The following PPM1H variants were observed in gnomAD, a reference collection of about 807,000 sequenced individuals.
PPM1H encodes the protein protein phosphatase 1H.
Under a neutral mutation model 54.9 loss-of-function variants are expected in PPM1H, and 27 were observed. That is an observed-to-expected ratio of 0.49 (90% CI 0.36 to 0.68). The LOEUF (loss-of-function observed/expected upper bound fraction) is 0.68. Ranked by LOEUF, PPM1H falls within the 30% of genes least tolerant of loss-of-function variation. PPM1H has a pLI of 0.00. For missense variants in PPM1H, 596 were observed against 667.8 expected (o/e 0.89, Z 1.19); for synonymous variants, 305 against 270.8 (o/e 1.13, Z -1.24).
intron 1 of PPM1H, among the ~76,000 whole-genome samples, chr12:62,903,917 T>G (rs916602117): frequency 2.0e-5 from 3 of 152,204 alleles, no homozygotes; most frequent in African/African-American, 7.2e-5. Context: ...TTAATCTAAT[T>G]AATGGGTAAT....
At chr12:62,801,622 C>T (rs1284616967) in intron 3 of PPM1H, among the ~76,000 whole-genome samples, 194 bp downstream of exon 3, 1 of 152,068 alleles carries the variant, frequency 6.6e-6, no homozygotes, top group East Asian at 1.9e-4. Flanking sequence ...TACATTTTTG[C>T]CAGCACTTGA....
intron 9 of PPM1H, among the ~76,000 whole-genome samples, chr12:62,659,986 C>T (rs1440253454): frequency 1.3e-5 from 2 of 152,212 alleles, no homozygotes; most frequent in Non-Finnish European, 2.9e-5. Context: ...CGTGTAGTCC[C>T]AGGCTACATA....
intron 1 of PPM1H, among the ~76,000 whole-genome samples, chr12:62,924,145 T>C (rs941578028): frequency 6.6e-5 from 10 of 152,102 alleles, no homozygotes; most frequent in African/African-American, 2.4e-4. Flanking sequence ...CAGAATAAAA[T>C]AAAAATTCTG....
intron 1 of PPM1H, among the ~76,000 whole-genome samples, chr12:62,837,448 A>G (rs933562549): frequency 6.6e-6 from 1 of 152,228 alleles, no homozygotes; most frequent in African/African-American, 2.4e-5. Context: ...TGTGGCATGT[A>G]TGGTGCTAAA....
intron 1 of PPM1H, among the ~76,000 whole-genome samples, chr12:62,881,492 G>T (rs187707563): frequency 6.6e-6 from 1 of 152,244 alleles, no homozygotes; most frequent in Non-Finnish European, 1.5e-5. Flanking sequence ...AGGAGAAAGG[G>T]AGGAAAAAGA....
chr12:62,862,042 T>C (rs75555499), intron 1 of PPM1H, among the ~76,000 whole-genome samples: 7,278 of 152,314 alleles, frequency 0.048, 574 homozygotes, highest in African/African-American at 0.16. Context: ...CAACATTTCC[T>C]GTGTTACCCT....
Position 62,646,601 on chromosome 12 carries a change from T to TAGAG in PPM1H, c.*1884_*1887dup, listed in dbSNP as rs1324430933. 5.9e-5 allele frequency: 9 copies of TAGAG among 152,244 alleles called. No individual in the cohort carries two copies. The highest frequency in any genetic ancestry group is 2.0e-4 in the Admixed American group (3 of 15,284). The allele number at this position is 152,244 out of a possible 1,614,324, so 9.4% of individuals were successfully genotyped here. A position where few individuals can be genotyped will look rare whatever the true frequency, so the allele number is the denominator to read the frequency against. On this transcript the variant is annotated 3_prime_UTR_variant, in exon 10 of 10. Transcript: ENST00000228705. ...AGCATTTTCCACAAACTTCTCTCCA[T>TAGAG]AGAGATATCTGGGGTAGCTAAGATC...
chr12:62,922,855 T>C (rs1269930658), intron 1 of PPM1H, among the ~76,000 whole-genome samples: 2 of 152,194 alleles, frequency 1.3e-5, no homozygotes, highest in Non-Finnish European at 2.9e-5. Flanking sequence ...TGAAGTCTAT[T>C]GAAAGAGTAC....
intron 8 of PPM1H, among the ~76,000 whole-genome samples, chr12:62,674,471 C>T (rs2075974840): frequency 6.6e-6 from 1 of 152,202 alleles, no homozygotes; most frequent in African/African-American, 2.4e-5. Flanking sequence ...AAAACACCAA[C>T]ACACTTCCTG....
At chr12:62,755,891 C>A in intron 4 of PPM1H, 1 of 784,808 alleles carries the variant, frequency 1.3e-6, no homozygotes, top group Admixed American at 1.8e-5. Context: ...CAAGGTCATC[C>A]CTGAGCTAAA....
At chr12:62,751,403 G>A (rs1039097321) in intron 4 of PPM1H, among the ~76,000 whole-genome samples, 16 of 152,198 alleles carry the variant, frequency 1.1e-4, no homozygotes, top group African/African-American at 3.9e-4. Flanking sequence ...AAAGAATGAG[G>A]AACAATCTCA....
chr12:62,919,159 A>G (rs1352062543), intron 1 of PPM1H, among the ~76,000 whole-genome samples: 2 of 152,252 alleles, frequency 1.3e-5, no homozygotes, highest in Non-Finnish European at 2.9e-5. Flanking sequence ...AACTTGTAGC[A>G]CTTTGGAAAG....
intron 1 of PPM1H, among the ~76,000 whole-genome samples, chr12:62,837,547 G>T (rs561030958): frequency 5.6e-4 from 86 of 152,274 alleles, no homozygotes; most frequent in African/African-American, 2.0e-3. Context: ...GCAGACACAG[G>T]GACAATGGTT....
At position 62,802,080 on chromosome 12, in the gene PPM1H, G is replaced by T; in HGVS notation, c.492C>A (p.Arg164=). 1 of 1,612,214 alleles carries T rather than the reference G, an allele frequency of 6.2e-7. No homozygotes were observed. Among genetic ancestry groups the T allele is most frequent in the South Asian group, 1.1e-5 (1 of 90,966 alleles). Residue 164 remains arginine (R), a synonymous_variant, in exon 3 of 10, where the codon CGC becomes CGA. Coordinates refer to ENST00000228705, the MANE Select transcript of PPM1H (RefSeq NM_020700.2). ...AGSGAAVVAS[R]LLQHHITEQL... ...GCTCCGTGATGTGGTGCTGCAGCAG[G>T]CGTGACGCCACCACCGCGGCCCCGG...
chr12:62,917,737 AT>A (rs112349829), intron 1 of PPM1H, among the ~76,000 whole-genome samples: 134 of 151,108 alleles, frequency 8.9e-4, no homozygotes, highest in Middle Eastern at 3.4e-3. Context: ...TTATTTTTTG[AT>A]TTTTTTTTCT....
chr12:62,905,679 A>C (rs376933745), intron 1 of PPM1H, among the ~76,000 whole-genome samples: 41 of 152,338 alleles, frequency 2.7e-4, no homozygotes, highest in African/African-American at 9.4e-4. Context: ...AGAGTAGACC[A>C]ATAACAGGAA....
At chr12:62,742,025 G>C (rs535473036) in intron 4 of PPM1H, among the ~76,000 whole-genome samples, 1 of 152,146 alleles carries the variant, frequency 6.6e-6, no homozygotes, top group South Asian at 2.1e-4. Flanking sequence ...CCACCGAGAA[G>C]CTCCTTGAAA....
At chr12:62,866,474 A>G (rs1371840588) in intron 1 of PPM1H, among the ~76,000 whole-genome samples, 2 of 152,150 alleles carry the variant, frequency 1.3e-5, no homozygotes, top group African/African-American at 4.8e-5. Context: ...GTGGTAAAAG[A>G]CATCAAGGCT....
intron 1 of PPM1H, among the ~76,000 whole-genome samples, chr12:62,912,110 T>C (rs959858696): frequency 1.3e-5 from 2 of 152,148 alleles, no homozygotes; most frequent in African/African-American, 4.8e-5. Flanking sequence ...CTCTTGAGCC[T>C]ACAACGCAAA....
Sources: allele counts gnomAD v4.1 joint callset (sites outside exome capture counted in the v4.1 genomes callset), GRCh38; gene constraint gnomAD v4.1.1; transcripts MANE v1.5; gene names NCBI Gene and HGNC (gene_info 2026-07-23, HGNC 2026-07-21).